ADGRL1: variants seen among roughly 807,000 people sequenced by gnomAD.
The protein encoded by ADGRL1 is adhesion G protein-coupled receptor L1.
Under a neutral mutation model 148.9 loss-of-function variants are expected in ADGRL1, and 31 were observed. The observed-to-expected ratio is 0.21, with a 90% CI of 0.16 to 0.28. The LOEUF (loss-of-function observed/expected upper bound fraction) is 0.28. Ranked by LOEUF, ADGRL1 falls within the 10% of genes least tolerant of loss-of-function variation. ADGRL1 has a pLI of 1.00. For synonymous variants in ADGRL1, 937 were observed against 900.3 expected (o/e 1.04, Z -0.73); for missense variants, 1,521 against 2,058.8 (o/e 0.74, Z 5.05).
chr19:14,151,366 G>A lies in ADGRL1; in HGVS notation c.3917C>T (p.Pro1306Leu). 1 of 1,601,310 alleles carries A rather than the reference G, an allele frequency of 6.2e-7. No homozygotes were observed. The highest frequency in any genetic ancestry group is 8.5e-7 in the Non-Finnish European group (1 of 1,174,754). ...CTCGCCCCCGCCCCCTGGCACAGGTGGCACAGGGGGCTCAGGCGGTGGAGG... is the reference window on the plus strand; with the variant it reads ...CTCGCCCCCGCCCCCTGGCACAGGTAGCACAGGGGGCTCAGGCGGTGGAGG... The part of the protein sequence containing the change: ...KGPPPPEPPV[P>L]PVPGGGGEEE... The change falls in exon 23 of 23, where the codon CCA becomes CTA. Residue 1306 changes from proline (P) to leucine (L), a missense_variant. By Grantham distance (98) the Pro-to-Leu change is moderately conservative (BLOSUM62 -3). Around this residue, in one of 8 missense-constraint regions of ADGRL1, gnomAD observed 390 missense variants for 375.0 expected, o/e 1.04. Coordinates refer to ENST00000361434, the MANE Select transcript of ADGRL1 (RefSeq NM_014921.5).
rs1167736257 is a variant in ADGRL1 at position 14,161,696 on chromosome 19, G to A, written c.1196-70C>T. The A allele has an allele frequency of 1.8e-6, 2 of 1,127,568 alleles. No homozygotes were observed. Among genetic ancestry groups the A allele is most frequent in the South Asian group, 2.6e-5 (1 of 38,928 alleles). The allele number at this position is 1,127,568 out of a possible 1,614,324, so 69.8% of individuals were successfully genotyped here. On this transcript the variant is annotated intron_variant, in intron 5 of 22. Transcript: ENST00000361434. The surrounding 1 kb of genome is among the most constrained non-coding windows in gnomAD (Gnocchi z 4.4). ...ATGCCACAGTGTGCTTGGGCAGGGG[G>A]TCCCAGGCCATCTTAGCATCTTCCT...
At position 14,183,646 on chromosome 19, in the gene ADGRL1, G is replaced by A. The variant is rs771797484; in HGVS notation, c.-44C>T. The A allele has an allele frequency of 1.0e-4, 154 of 1,514,528 alleles. 4 individuals are homozygous for A. In the South Asian group the frequency reaches 1.4e-3, roughly 14 times the overall value. The allele number at this position is 1,514,528 out of a possible 1,614,324, so 93.8% of individuals were successfully genotyped here. ...GTCCGGAGCTCTCAGTGGCCTGTGC[G>A]GGGGGCTTTGCCCCACATCACCTGG... On this transcript the variant is annotated 5_prime_UTR_variant, in exon 2 of 23. Coordinates refer to ENST00000361434, the MANE Select transcript of ADGRL1 (RefSeq NM_014921.5).
intron 1 of ADGRL1, among the ~76,000 whole-genome samples, chr19:14,195,255 A>G (rs1972185462): frequency 6.6e-6 from 1 of 152,122 alleles, no homozygotes; most frequent in South Asian, 2.1e-4. Context: ...TTCGCATCTA[A>G]GCCCTGCGTC....
intron 1 of ADGRL1, among the ~76,000 whole-genome samples, chr19:14,192,368 G>C (rs1435487995): frequency 6.6e-6 from 1 of 151,550 alleles, no homozygotes; most frequent in African/African-American, 2.4e-5. Context: ...AGCCTCCTGA[G>C]TAGCTAGGAT....
intron 1 of ADGRL1, among the ~76,000 whole-genome samples, chr19:14,197,164 C>T (rs142237512): frequency 9.9e-5 from 15 of 151,982 alleles, no homozygotes; most frequent in African/African-American, 3.6e-4. Flanking sequence ...CCTGGCTACT[C>T]GGGAGGCTGA....
chr19:14,160,316 G>T lies in ADGRL1; in HGVS notation c.1615-19C>A. On this transcript the variant is annotated intron_variant, in intron 7 of 22. Coordinates refer to ENST00000361434, the MANE Select transcript of ADGRL1 (RefSeq NM_014921.5). This position sits in a 1 kb window ranked among gnomAD's most constrained non-coding sequence, Gnocchi z 5.9. ...TCTTGATCTGCATGAGGTGGGGGCG[G>T]GAAGGGGGAATCCCAGGACTGTCAG... 1 of 1,577,394 alleles carries T rather than the reference G, an allele frequency of 6.3e-7. No individual in the cohort carries two copies. The highest frequency in any genetic ancestry group is 8.7e-7 in the Non-Finnish European group (1 of 1,153,618).
chr19:14,181,827 G>C (rs901258257), intron 2 of ADGRL1, among the ~76,000 whole-genome samples: 13 of 152,138 alleles, frequency 8.5e-5, no homozygotes, highest in African/African-American at 1.9e-4. Context: ...CATCCTGCAG[G>C]GATCCTGTGC....
Position 14,148,686 on chromosome 19 carries a change from C to A in ADGRL1, c.*2187G>T, listed in dbSNP as rs181265608. 3.3e-4 allele frequency: 50 copies of A among 152,930 alleles called. No individual in the cohort carries two copies. The highest frequency in any genetic ancestry group is 1.2e-4 in the Non-Finnish European group (8 of 68,146). The allele number at this position is 152,930 out of a possible 1,614,324, so 9.5% of individuals were successfully genotyped here. Reference sequence around the variant, plus strand: ...TCCCCATCTAGACTTCACCCATGGTCTTCTGGTGTAATGGGTTAGGCCTTT... The same window carrying A: ...TCCCCATCTAGACTTCACCCATGGTATTCTGGTGTAATGGGTTAGGCCTTT... On this transcript the variant is annotated 3_prime_UTR_variant, in exon 23 of 23. Transcript: ENST00000361434.
chr19:14,167,086 G>T, intron 4 of ADGRL1: 2 of 1,378,454 alleles, frequency 1.5e-6, no homozygotes, highest in Non-Finnish European at 2.0e-6. Flanking sequence ...AAATGTGCAA[G>T]AAAAAAAGAG....
Position 14,162,914 on chromosome 19 carries a change from C to T in ADGRL1, c.887G>A (p.Arg296His), listed in dbSNP as rs201495192. The T allele has an allele frequency of 1.3e-5, 21 of 1,613,558 alleles. No homozygotes were observed. The highest frequency in any genetic ancestry group is 4.0e-5 in the African/African-American group (3 of 75,038). The change falls in exon 5 of 23, where the codon CGC (arginine) becomes CAC (histidine). Residue 296 changes from arginine (R) to histidine (H), a missense_variant. Physicochemically the swap from Arg to His is conservative, Grantham distance 29. Transcript: ENST00000361434. This position sits in a 1 kb window ranked among gnomAD's most constrained non-coding sequence, Gnocchi z 5.4. The part of the protein sequence containing the change: ...VVSQLNPYTL[R>H]FEGTWETGYD... Reference sequence around the variant, plus strand: ...ACCCGTCTCCCACGTGCCCTCAAAGCGCAGTGTGTAGGGGTTCAGCTGGCT... The same window carrying T: ...ACCCGTCTCCCACGTGCCCTCAAAGTGCAGTGTGTAGGGGTTCAGCTGGCT...
Position 14,159,786 on chromosome 19 carries a change from G to A in ADGRL1, c.1801-13C>T, listed in dbSNP as rs1969151293. ...CTCGCTTGTGCATCTAGAAAGAGAT[G>A]GAGGTGATGTCAGGCCAGGCCTCTG... On this transcript the variant is annotated splice_polypyrimidine_tract_variant and intron_variant, in intron 8 of 22. Coordinates refer to ENST00000361434, the MANE Select transcript of ADGRL1 (RefSeq NM_014921.5). The surrounding 1 kb of genome is among the most constrained non-coding windows in gnomAD (Gnocchi z 6.0). The A allele has an allele frequency of 3.1e-6, 5 of 1,612,658 alleles. No homozygotes were observed. The highest frequency in any genetic ancestry group is 3.4e-6 in the Non-Finnish European group (4 of 1,178,778).
rs2144723494 is a variant in ADGRL1, at chr19:14,160,834, A to C, written c.1511-138T>G. 1 of 688,752 alleles carries C rather than the reference A, an allele frequency of 1.5e-6. No individual in the cohort carries two copies. The allele number at this position is 688,752 out of a possible 1,614,324, so 42.7% of individuals were successfully genotyped here. A position where few individuals can be genotyped will look rare whatever the true frequency, so the allele number is the denominator to read the frequency against. On this transcript the variant is annotated intron_variant, in intron 6 of 22. Transcript: ENST00000361434. The surrounding 1 kb of genome is among the most constrained non-coding windows in gnomAD (Gnocchi z 5.9). ...GGAGGTGAGGGAAACACGGAGAAAC[A>C]GACATGAAGCGGGCTGGACAGTCGA...
At chr19:14,165,015 G>A (rs1969819450) in intron 4 of ADGRL1, among the ~76,000 whole-genome samples, 1 of 152,146 alleles carries the variant, frequency 6.6e-6, no homozygotes, top group East Asian at 1.9e-4. Context: ...GAGGGGATCG[G>A]GGGGCTGGGA....
In ADGRL1 at chr19:14,160,148, G is replaced by A; in HGVS notation, c.1764C>T (p.Pro588=). 1 of 1,590,908 alleles carries A rather than the reference G, an allele frequency of 6.3e-7. No homozygotes were observed. Among genetic ancestry groups the A allele is most frequent in the Non-Finnish European group, 8.6e-7 (1 of 1,161,272 alleles). The part of the protein sequence containing the change: ...ILDAQLQALR[P]IERESAGKNY... ...TCTTGCCGGCTGACTCGCGCTCGAT[G>A]GGCCGCAGGGCCTGCAGCTGGGCAT... The change falls in exon 8 of 23, where the codon CCC becomes CCT. Residue 588 remains proline, a synonymous_variant. Coordinates refer to ENST00000361434, the MANE Select transcript of ADGRL1 (RefSeq NM_014921.5). The surrounding 1 kb of genome is among the most constrained non-coding windows in gnomAD (Gnocchi z 5.9).
intron 2 of ADGRL1, among the ~76,000 whole-genome samples, chr19:14,179,485 C>T (rs1441047616): frequency 6.6e-6 from 1 of 151,984 alleles, no homozygotes; most frequent in Non-Finnish European, 1.5e-5. Flanking sequence ...CAGAGCGAGA[C>T]TCCATCAAAC....
chr19:14,161,285 T>TC lies in ADGRL1; in HGVS notation c.1510+26dup. The TC allele has an allele frequency of 1.3e-6, 2 of 1,523,856 alleles. No homozygotes were observed. The highest frequency in any genetic ancestry group is 1.7e-6 in the Non-Finnish European group (2 of 1,144,078). 94.4% of individuals were successfully genotyped at this position (1,523,856 alleles called of 1,614,324 possible). A position where few individuals can be genotyped will look rare whatever the true frequency, so the allele number is the denominator to read the frequency against. Reference sequence around the variant, plus strand: ...CTGCTGGGGGCATGGCCCCCATCCCTCCCCTGGCTGCAGCCTCTGTACTCA... The same window carrying TC: ...CTGCTGGGGGCATGGCCCCCATCCCTCCCCCTGGCTGCAGCCTCTGTACTCA... On this transcript the variant is annotated intron_variant, in intron 6 of 22. Transcript: ENST00000361434. This position sits in a 1 kb window ranked among gnomAD's most constrained non-coding sequence, Gnocchi z 4.4.
rs995099219 is a variant in ADGRL1 at position 14,174,514 on chromosome 19, G to A, written c.284+3017C>T. On this transcript the variant is annotated intron_variant, in intron 3 of 22. Transcript: ENST00000361434. ...GCTCTCCTGGGGCTCTCAGTGACCC[G>A]CTCCTCCCCTGGTAACACACATTTT... is the stretch of plus-strand genomic sequence containing the variant. 5.3e-5 allele frequency among the ~76,000 whole-genome samples: 8 copies of A among 150,128 alleles called. No homozygotes were observed. In the East Asian group the frequency reaches 1.2e-3, roughly 22 times the overall value.
chr19:14,183,108 G>A lies in ADGRL1; in HGVS notation c.70+425C>T, dbSNP rs185419487. ...CCTAGGGCCGGCATAGGGCCGAGCC[G>A]GGTAATTAGTTGTTTTTAAATAAAC... On this transcript the variant is annotated intron_variant, in intron 2 of 22. Transcript: ENST00000361434. 2.1e-3 allele frequency among the ~76,000 whole-genome samples: 327 copies of A among 152,230 alleles called. 1 individual carries two copies. The highest frequency in any genetic ancestry group is 3.5e-3 in the Admixed American group (53 of 15,296).
At chr19:14,163,927 C>A (rs997227219) in intron 4 of ADGRL1, among the ~76,000 whole-genome samples, 1 of 151,506 alleles carries the variant, frequency 6.6e-6, no homozygotes, top group Non-Finnish European at 1.5e-5. Flanking sequence ...CCATCCTTCA[C>A]CAACCACACC....
Sources: gnomAD v4.1 joint callset for allele counts (sites outside exome capture counted in the v4.1 genomes callset) on GRCh38, gnomAD v4.1.1 for gene constraint, gnomAD v4.1.1 regional missense constraint, Gnocchi (gnomAD v3.1) non-coding constraint, MANE v1.5 for transcripts, NCBI Gene and HGNC (gene_info 2026-07-23, HGNC 2026-07-21) for gene names.